Variants in NSA2 observed in about 807,000 individuals in gnomAD.
NSA2 encodes the protein NSA2 ribosome biogenesis factor, also known as ribosome biogenesis protein NSA2 homolog.
Under a neutral mutation model 34.8 loss-of-function variants are expected in NSA2, and 18 were observed. The observed-to-expected ratio is 0.52, with a 90% CI of 0.36 to 0.77. NSA2 has a LOEUF of 0.77. Ranked by LOEUF, NSA2 falls within the 30% of genes least tolerant of loss-of-function variation. The probability of loss-of-function intolerance (pLI) is 0.00; values close to 1 mark genes in which losing one functional copy is unlikely to be tolerated. For synonymous variants in NSA2, 79 were observed against 100.2 expected, an observed-to-expected ratio of 0.79 and a Z score of 1.26; for missense variants, 188 against 314.7, an observed-to-expected ratio of 0.60 and a Z score of 3.05.
At chr5:74,775,657 T>A (rs987406172) in intron 5 of NSA2, among the ~76,000 whole-genome samples, 37 of 151,738 alleles carry the variant, frequency 2.4e-4, no homozygotes, top group Admixed American at 5.3e-4. Context: ...ATAAAAATTC[T>A]TTATTACAAG....
At chr5:74,770,607 C>A in intron 3 of NSA2, 24 bp from the exon 4 acceptor site, 1 of 1,535,524 alleles carries the variant, frequency 6.5e-7, no homozygotes, top group South Asian at 1.2e-5. Flanking sequence ...ACAATATAAA[C>A]TTTTAACTGT....
intron 4 of NSA2, among the ~76,000 whole-genome samples, chr5:74,771,141 G>A (rs766876264): frequency 4.6e-5 from 7 of 152,012 alleles, no homozygotes; most frequent in Non-Finnish European, 8.8e-5. Context: ...TAAGCTGGGC[G>A]TGGTGGCGGG....
intron 5 of NSA2, among the ~76,000 whole-genome samples, chr5:74,775,073 A>AG (rs575753513): frequency 2.6e-5 from 4 of 151,784 alleles, no homozygotes; most frequent in Non-Finnish European, 4.4e-5. Context: ...CAAATTAGCC[A>AG]GGTGTTGTGG....
chr5:74,776,584 T>C lies in NSA2; in HGVS notation c.716-20T>C. ...GCTAACAACCCTCCCTTTTCCCTTTTTTGGTTTTGTTTTCCTTAGGAAAAT... is the reference window on the plus strand; with the variant it reads ...GCTAACAACCCTCCCTTTTCCCTTTCTTGGTTTTGTTTTCCTTAGGAAAAT... On this transcript the variant is annotated intron_variant, in intron 5 of 5. Coordinates refer to ENST00000610426, the MANE Select transcript of NSA2 (RefSeq NM_014886.6). 1 of 1,400,230 alleles carries C rather than the reference T, an allele frequency of 7.1e-7. No homozygotes were observed. The highest frequency in any genetic ancestry group is 1.0e-6 in the Non-Finnish European group (1 of 986,170). The allele number at this position is 1,400,230 out of a possible 1,614,324, so 86.7% of individuals were successfully genotyped here. A position where few individuals can be genotyped will look rare whatever the true frequency, so the allele number is the denominator to read the frequency against.
intron 5 of NSA2, among the ~76,000 whole-genome samples, chr5:74,775,910 T>G (rs1156353581): frequency 3.3e-5 from 5 of 152,184 alleles, no homozygotes; most frequent in African/African-American, 1.2e-4. Context: ...TGGTTTATAC[T>G]TCATGTCAGC....
chr5:74,777,721 T>C lies in NSA2; in HGVS notation c.*1050T>C, dbSNP rs1745192666. 1 of 151,852 alleles carries C rather than the reference T, an allele frequency of 6.6e-6. No homozygotes were observed. The highest frequency in any genetic ancestry group is 1.9e-4 in the East Asian group (1 of 5,192). 9.4% of individuals were successfully genotyped at this position (151,852 alleles called of 1,614,324 possible). ...CATGAGGAAAACTGAAGGAAAGGAA[T>C]TTAAAAACACAGACCAGGAAACAAT... On this transcript the variant is annotated 3_prime_UTR_variant, in exon 6 of 6. Coordinates refer to ENST00000610426, the MANE Select transcript of NSA2 (RefSeq NM_014886.6).
At position 74,779,907 on chromosome 5, in the gene NSA2, AAAT is replaced by A. The variant is rs1208985588; in HGVS notation, c.*3240_*3242del. On this transcript the variant is annotated 3_prime_UTR_variant, in exon 6 of 6. Transcript: ENST00000610426. ...TTCAACATCAGTCCTTAGCTACCTC[AAAT>A]AATGACACAAAGTCTTAGTTTCTTT... The A allele has an allele frequency of 2.0e-5, 3 of 152,214 alleles. No homozygotes were observed. The highest frequency in any genetic ancestry group is 4.4e-5 in the Non-Finnish European group (3 of 68,026). 9.4% of individuals were successfully genotyped at this position (152,214 alleles called of 1,614,324 possible). A position where few individuals can be genotyped will look rare whatever the true frequency, so the allele number is the denominator to read the frequency against.
rs1744858409 is a variant in NSA2, at chr5:74,769,820, G to A, written c.342+456G>A. 2.0e-5 allele frequency among the ~76,000 whole-genome samples: 3 copies of A among 152,150 alleles called. No homozygotes were observed. The South Asian group carries it at 6.2e-4, about 32-fold the overall frequency. On this transcript the variant is annotated intron_variant, in intron 3 of 5. Transcript: ENST00000610426. Reference sequence around the variant, plus strand: ...AGAAATCCAGATAAAAGAATATGCAGTATTTATATTTAAAGAATTATTTTT... The same window carrying A: ...AGAAATCCAGATAAAAGAATATGCAATATTTATATTTAAAGAATTATTTTT...
chr5:74,773,837 A>G, intron 4 of NSA2, 31 bp from the exon 5 acceptor site: 2 of 1,569,200 alleles, frequency 1.3e-6, no homozygotes, highest in Non-Finnish European at 1.7e-6. Context: ...TTTTGGACGT[A>G]AACATTCTTA....
At chr5:74,772,532 C>G (rs1744977601) in intron 4 of NSA2, among the ~76,000 whole-genome samples, 1 of 152,116 alleles carries the variant, frequency 6.6e-6, no homozygotes. Flanking sequence ...AACCCCTACC[C>G]CTAGAATTGA....
At position 74,773,482 on chromosome 5, in the gene NSA2, A is replaced by T. The variant is rs540465085; in HGVS notation, c.523-386A>T. Among the ~76,000 whole-genome samples, 202 of 151,748 alleles carry T rather than the reference A, an allele frequency of 1.3e-3. 1 individual carries two copies. Among genetic ancestry groups the T allele is most frequent in the African/African-American group, 3.1e-3 (130 of 41,354 alleles). ...ACCCCATCTCTACCAAAAAAAAAAAAAAAAAAAATAAGCTAGGCATGGTGG... is the reference window on the plus strand; with the variant it reads ...ACCCCATCTCTACCAAAAAAAAAAATAAAAAAAATAAGCTAGGCATGGTGG... On this transcript the variant is annotated intron_variant, in intron 4 of 5. Coordinates refer to ENST00000610426, the MANE Select transcript of NSA2 (RefSeq NM_014886.6).
intron 5 of NSA2, among the ~76,000 whole-genome samples, chr5:74,774,479 C>T (rs1193406767): frequency 6.6e-6 from 1 of 151,976 alleles, no homozygotes; most frequent in African/African-American, 2.4e-5. Context: ...TGGCGAGCAC[C>T]TCTAATCCCA....
intron 4 of NSA2, 84 bp from the exon 5 acceptor site, chr5:74,773,784 G>A (rs1161742996): frequency 2.8e-6 from 3 of 1,080,062 alleles, no homozygotes; most frequent in Non-Finnish European, 4.0e-6. Flanking sequence ...GGAGATGGTT[G>A]AAAAAGATAA....
intron 1 of NSA2, among the ~76,000 whole-genome samples, chr5:74,768,414 G>C (rs529752365): frequency 6.6e-6 from 1 of 152,316 alleles, no homozygotes; most frequent in South Asian, 2.1e-4. Context: ...GTAGGGATAG[G>C]TATCAAACTG....
rs1345883745 is a variant in NSA2, at chr5:74,767,357, C to T, written c.-4C>T. 3 of 1,613,326 alleles carry T rather than the reference C, an allele frequency of 1.9e-6. No individual in the cohort carries two copies. The Admixed American group carries it at 5.0e-5, about 27-fold the overall frequency. ...CTGCTCCTGGCGGCTCTGCGGCCGT[C>T]ACCATGGTAAGGAGGATGCCTCGGA... On this transcript the variant is annotated 5_prime_UTR_variant, in exon 1 of 6. Coordinates refer to ENST00000610426, the MANE Select transcript of NSA2 (RefSeq NM_014886.6).
chr5:74,771,438 A>G (rs1483088067), intron 4 of NSA2: 1 of 152,180 alleles, frequency 6.6e-6, no homozygotes, highest in Non-Finnish European at 1.5e-5. Context: ...AATATGCCTG[A>G]TATTGTCTAG....
rs765865557 is a variant in NSA2 at position 74,768,927 on chromosome 5, A to G, written c.4-4A>G. On this transcript the variant is annotated splice_polypyrimidine_tract_variant and splice_region_variant and intron_variant, in intron 1 of 5. Transcript: ENST00000610426. ...TTAAAATAATATTTCTTCCATCATT[A>G]TAGCCACAGAATGAATATATTGAAT... The G allele has an allele frequency of 3.2e-6, 5 of 1,556,428 alleles. No homozygotes were observed. The highest frequency in any genetic ancestry group is 2.3e-5 in the East Asian group (1 of 44,238).
intron 4 of NSA2, among the ~76,000 whole-genome samples, chr5:74,773,256 T>TAA (rs1203347055): frequency 6.6e-6 from 1 of 151,742 alleles, no homozygotes; most frequent in Admixed American, 6.6e-5. Context: ...CTGGTATATA[T>TAA]AAAGTCCTTA....
At chr5:74,767,436 G>A (rs148976244) in intron 1 of NSA2, 73 bp downstream of exon 1, 20 of 1,573,540 alleles carry the variant, frequency 1.3e-5, no homozygotes, top group Middle Eastern at 3.4e-4. Flanking sequence ...CTGGGGCGCT[G>A]GGGTAGGGGG....
Sources: gnomAD v4.1 joint callset for allele counts (sites outside exome capture counted in the v4.1 genomes callset) on GRCh38, gnomAD v4.1.1 for gene constraint, MANE v1.5 for transcripts, NCBI Gene and HGNC (gene_info 2026-07-23, HGNC 2026-07-21) for gene names.